PPP1R14C: variants seen among roughly 807,000 people sequenced by gnomAD.
The protein encoded by PPP1R14C is protein phosphatase 1 regulatory subunit 14C.
In PPP1R14C, 16 loss-of-function variants were observed where a neutral mutation model predicts 20.4. The observed-to-expected ratio is 0.78, with a 90% CI of 0.53 to 1.19. The LOEUF is 1.19. Among genes scored for constraint, PPP1R14C ranks in the 50% most tolerant of loss-of-function variants. PPP1R14C has a pLI of 0.00. For missense variants in PPP1R14C, 211 were observed against 220.1 expected (o/e 0.96, Z 0.26); for synonymous variants, 91 against 91.0 (o/e 1.00, Z 0.00).
chr6:150,191,292 A>G (rs1319555735), intron 1 of PPP1R14C, among the ~76,000 whole-genome samples: 3 of 152,188 alleles, frequency 2.0e-5, no homozygotes, highest in African/African-American at 7.2e-5. Flanking sequence ...TCCTGCTAAC[A>G]TTATTTTGCA....
At chr6:150,147,232 T>C (rs896702941) in intron 1 of PPP1R14C, among the ~76,000 whole-genome samples, 1 of 151,572 alleles carries the variant, frequency 6.6e-6, no homozygotes, top group Non-Finnish European at 1.5e-5. Flanking sequence ...TAGGCTAGAG[T>C]GCAGTGGCGC....
chr6:150,217,701 A>C (rs1475580362), intron 3 of PPP1R14C, among the ~76,000 whole-genome samples: 1 of 152,226 alleles, frequency 6.6e-6, no homozygotes, highest in Non-Finnish European at 1.5e-5. Flanking sequence ...TTAAGGTTTT[A>C]ATCAGTTATG....
intron 2 of PPP1R14C, 142 bp from the exon 3 acceptor site, chr6:150,216,682 G>T: frequency 1.6e-6 from 1 of 623,176 alleles, no homozygotes. Context: ...GTGCTGAAAT[G>T]AAGTGCGTTT....
chr6:150,239,236 C>T (rs1447469293), intron 3 of PPP1R14C, among the ~76,000 whole-genome samples: 1 of 152,168 alleles, frequency 6.6e-6, no homozygotes, highest in Non-Finnish European at 1.5e-5. Flanking sequence ...TGGGAGGAGG[C>T]TGTATAAAGG....
chr6:150,166,909 T>C (rs1777428263), intron 1 of PPP1R14C, among the ~76,000 whole-genome samples: 1 of 152,158 alleles, frequency 6.6e-6, no homozygotes, highest in South Asian at 2.1e-4. Context: ...ACTCCAGTCA[T>C]TTGGAACCGA....
chr6:150,213,618 T>A (rs1353804552), intron 1 of PPP1R14C, among the ~76,000 whole-genome samples: 1 of 152,228 alleles, frequency 6.6e-6, no homozygotes, highest in East Asian at 1.9e-4. Context: ...TGACTCCTGA[T>A]GAAATGCAAA....
chr6:150,225,969 C>T (rs926421247), intron 3 of PPP1R14C, among the ~76,000 whole-genome samples: 1 of 152,148 alleles, frequency 6.6e-6, no homozygotes, highest in Non-Finnish European at 1.5e-5. Flanking sequence ...TCTAATTTCC[C>T]AGAAGTGATA....
chr6:150,188,235 T>C (rs1195109413), intron 1 of PPP1R14C, among the ~76,000 whole-genome samples: 1 of 152,234 alleles, frequency 6.6e-6, no homozygotes, highest in African/African-American at 2.4e-5. Context: ...GATTAATTAG[T>C]CTTCTTCTAG....
rs139964099 is a variant in PPP1R14C, at chr6:150,233,904, C to T, written c.424-14842C>T. ...AAGGCACCCCATTGCAGGGCATGCT[C>T]ACACCTGCACCCACATTCACTCACA... On this transcript the variant is annotated intron_variant, in intron 3 of 3. Transcript: ENST00000361131. Among the ~76,000 whole-genome samples, 154 of 152,306 alleles carry T rather than the reference C, an allele frequency of 1.0e-3. 1 individual carries two copies. Among genetic ancestry groups the T allele is most frequent in the African/African-American group, 3.5e-3 (147 of 41,566 alleles).
At chr6:150,215,650 G>A (rs1180164449) in intron 2 of PPP1R14C, among the ~76,000 whole-genome samples, 1 of 152,208 alleles carries the variant, frequency 6.6e-6, no homozygotes, top group African/African-American at 2.4e-5. Context: ...CTTCTTGCTA[G>A]ATTTAGCTGG....
At chr6:150,203,433 T>C (rs1315329711) in intron 1 of PPP1R14C, among the ~76,000 whole-genome samples, 1 of 152,232 alleles carries the variant, frequency 6.6e-6, no homozygotes, top group East Asian at 1.9e-4. Flanking sequence ...GCAGTGTGTC[T>C]GCTCACCGGC....
chr6:150,216,951 A>T, intron 3 of PPP1R14C, 95 bp downstream of exon 3: 1 of 948,718 alleles, frequency 1.1e-6, no homozygotes, highest in Non-Finnish European at 1.7e-6. Context: ...AGTAGGTTTG[A>T]GTGTGTGTAT....
At chr6:150,239,395 G>A (rs1432500864) in intron 3 of PPP1R14C, among the ~76,000 whole-genome samples, 1 of 152,118 alleles carries the variant, frequency 6.6e-6, no homozygotes, top group African/African-American at 2.4e-5. Context: ...GATTACAGTG[G>A]AATTACATTA....
At chr6:150,167,275 G>A (rs1248991259) in intron 1 of PPP1R14C, among the ~76,000 whole-genome samples, 1 of 152,094 alleles carries the variant, frequency 6.6e-6, no homozygotes, top group Non-Finnish European at 1.5e-5. Context: ...GGCTGAGGCA[G>A]GAGAATTGCT....
At chr6:150,171,140 T>G (rs1184426944) in intron 1 of PPP1R14C, among the ~76,000 whole-genome samples, 1 of 152,176 alleles carries the variant, frequency 6.6e-6, no homozygotes, top group Non-Finnish European at 1.5e-5. Flanking sequence ...GAGGGTCCAC[T>G]CAAGGTGCTG....
In PPP1R14C at chr6:150,154,529, T is replaced by G. The variant is rs566395883; in HGVS notation, c.306+11031T>G. Among the ~76,000 whole-genome samples the G allele has an allele frequency of 3.3e-5, 5 of 152,342 alleles. No individual in the cohort carries two copies. The East Asian group carries it at 9.6e-4, about 29-fold the overall frequency. ...ACTTTCTAGCTCTAACCTTTAGATGTTCTATGCTAAAGCCAGGGCTGCACT... is the reference window on the plus strand; with the variant it reads ...ACTTTCTAGCTCTAACCTTTAGATGGTCTATGCTAAAGCCAGGGCTGCACT... On this transcript the variant is annotated intron_variant, in intron 1 of 3. Coordinates refer to ENST00000361131, the MANE Select transcript of PPP1R14C (RefSeq NM_030949.3).
At chr6:150,237,327 C>T (rs9397764) in intron 3 of PPP1R14C, among the ~76,000 whole-genome samples, 7,639 of 152,118 alleles carry the variant, frequency 0.05, 245 homozygotes, top group East Asian at 0.1. Flanking sequence ...CTTCAGCCTC[C>T]GGAGTAGCTG....
chr6:150,149,161 A>T (rs1273882611), intron 1 of PPP1R14C, among the ~76,000 whole-genome samples: 2 of 152,224 alleles, frequency 1.3e-5, no homozygotes, highest in Non-Finnish European at 2.9e-5. Context: ...GGTTAGGGAA[A>T]TGCGGGGTGG....
chr6:150,164,861 G>A (rs1297221536), intron 1 of PPP1R14C, among the ~76,000 whole-genome samples: 2 of 152,188 alleles, frequency 1.3e-5, no homozygotes, highest in African/African-American at 4.8e-5. Context: ...GCCTTTCGGA[G>A]GTGATTATGT....
Sources: allele counts gnomAD v4.1 joint callset (sites outside exome capture counted in the v4.1 genomes callset), GRCh38; gene constraint gnomAD v4.1.1; transcripts MANE v1.5; gene names NCBI Gene and HGNC (gene_info 2026-07-23, HGNC 2026-07-21).